Variants in SYNJ2 observed in about 807,000 individuals in gnomAD.
The protein encoded by SYNJ2 is synaptojanin 2, also known as polyphosphatidylinositol phosphatase SYNJ2.
In SYNJ2, 116 loss-of-function variants were observed where a neutral mutation model predicts 141.3. The ratio of observed to expected loss-of-function variants is 0.82; its 90% CI spans 0.71 to 0.96. SYNJ2 has a LOEUF of 0.96. Among genes scored for constraint, SYNJ2 ranks in the 40% least tolerant of loss-of-function variants. The probability of loss-of-function intolerance (pLI) is 0.00; values close to 1 mark genes in which losing one functional copy is unlikely to be tolerated. For synonymous variants in SYNJ2, 745 were observed against 777.7 expected, an observed-to-expected ratio of 0.96 and a Z score of 0.70; for missense variants, 1,873 against 1,934.8, an observed-to-expected ratio of 0.97 and a Z score of 0.60.
intron 15 of SYNJ2, 102 bp from the exon 16 acceptor site, chr6:158,074,478 T>C: frequency 7.6e-7 from 1 of 1,311,302 alleles, no homozygotes; most frequent in Non-Finnish European, 1.1e-6. Flanking sequence ...AGTAGCATTT[T>C]GAGAAAAATA....
At chr6:158,013,995 G>C (rs1421267685) in intron 1 of SYNJ2, among the ~76,000 whole-genome samples, 1 of 152,184 alleles carries the variant, frequency 6.6e-6, no homozygotes, top group African/African-American at 2.4e-5. Context: ...GACTTACGAT[G>C]GTTCCTTCCA....
chr6:158,063,262 G>T (rs1448660977), intron 8 of SYNJ2, among the ~76,000 whole-genome samples: 1 of 152,176 alleles, frequency 6.6e-6, no homozygotes, highest in African/African-American at 2.4e-5. Context: ...ACCCAGCTGT[G>T]CAGGCTACTG....
Position 158,086,898 on chromosome 6 carries a change from CG to C in SYNJ2, c.3256del (p.Glu1086SerfsTer32). 1 of 1,610,402 alleles carries C rather than the reference CG, an allele frequency of 6.2e-7. No homozygotes were observed. On this transcript the variant is annotated frameshift_variant, in exon 23 of 27. Transcript: ENST00000355585. LOFTEE classifies it high-confidence loss of function. ...AGCTCAAGCGGGAGCTGGAAGCCGT[CG>C]GGGAGTTCCGCCACCGTTCTCCGAG... ...VELKRELEAV[G>X]EFRHRSPSRS... is the part of the protein sequence containing the mutation.
At position 157,982,535 on chromosome 6, in the gene SYNJ2, C is replaced by T. The variant is rs1777054091; in HGVS notation, c.127+447C>T. Among the ~76,000 whole-genome samples the T allele has an allele frequency of 6.6e-6, 1 of 152,234 alleles. No homozygotes were observed. Among genetic ancestry groups the T allele is most frequent in the Non-Finnish European group, 1.5e-5 (1 of 68,036 alleles). On this transcript the variant is annotated intron_variant, in intron 1 of 26. Coordinates refer to ENST00000355585, the MANE Select transcript of SYNJ2 (RefSeq NM_003898.4). The surrounding 1 kb of genome is among the most constrained non-coding windows in gnomAD (Gnocchi z 4.0). ...GGGGACAAAAGCCCCAAAACATAGG[C>T]TCTGGAGAAACCGCTGATGGCAGCT...
At chr6:157,994,975 G>T (rs529560948) in intron 1 of SYNJ2, among the ~76,000 whole-genome samples, 30 of 152,280 alleles carry the variant, frequency 2.0e-4, no homozygotes, top group African/African-American at 7.0e-4. Context: ...TCTACGGCAT[G>T]GGGGCACTTC....
chr6:158,030,040 T>C (rs1035583923), intron 3 of SYNJ2, among the ~76,000 whole-genome samples: 1 of 152,188 alleles, frequency 6.6e-6, no homozygotes, highest in African/African-American at 2.4e-5. Context: ...CTTGTAGCAA[T>C]GCACTAAGAC....
chr6:158,022,967 A>G (rs1181731733), intron 2 of SYNJ2, among the ~76,000 whole-genome samples: 1 of 152,162 alleles, frequency 6.6e-6, no homozygotes, highest in African/African-American at 2.4e-5. Flanking sequence ...CCCATAGTAC[A>G]GGCCAGGCAT....
chr6:158,083,426 C>A lies in SYNJ2; in HGVS notation c.2866-3C>A. Reference sequence around the variant, plus strand: ...TTCCTGGGTGGCCGCTCTGCCCTCCCAGGTGAAAGGCAGAGCAGTGAAGAT... The same window carrying A: ...TTCCTGGGTGGCCGCTCTGCCCTCCAAGGTGAAAGGCAGAGCAGTGAAGAT... On this transcript the variant is annotated splice_region_variant and splice_polypyrimidine_tract_variant and intron_variant, in intron 20 of 26. Transcript: ENST00000355585. 1 of 1,612,768 alleles carries A rather than the reference C, an allele frequency of 6.2e-7. No homozygotes were observed. The highest frequency in any genetic ancestry group is 8.5e-7 in the Non-Finnish European group (1 of 1,178,952).
rs1005678587 is a variant in SYNJ2 at position 158,068,812 on chromosome 6, G to C, written c.1799+84G>C. The C allele has an allele frequency of 1.4e-5, 20 of 1,463,548 alleles. No homozygotes were observed. In the African/African-American group the frequency reaches 2.5e-4, roughly 18 times the overall value. 90.7% of individuals were successfully genotyped at this position (1,463,548 alleles called of 1,614,324 possible). A position where few individuals can be genotyped will look rare whatever the true frequency, so the allele number is the denominator to read the frequency against. Reference sequence around the variant, plus strand: ...GAGCAGAGCCTCTGAGGCTCTCCGGGAGCCAGCCTGCTTCTGAGCCAGCTA... The same window carrying C: ...GAGCAGAGCCTCTGAGGCTCTCCGGCAGCCAGCCTGCTTCTGAGCCAGCTA... On this transcript the variant is annotated intron_variant, in intron 13 of 26. Transcript: ENST00000355585.
At chr6:157,998,429 G>A (rs1331249548) in intron 1 of SYNJ2, among the ~76,000 whole-genome samples, 1 of 152,196 alleles carries the variant, frequency 6.6e-6, no homozygotes, top group African/African-American at 2.4e-5. Flanking sequence ...TTTTTACCAT[G>A]AGCAATGTTG....
chr6:158,095,653 T>C lies in SYNJ2; in HGVS notation c.3780T>C (p.Thr1260=). 1 of 1,611,792 alleles carries C rather than the reference T, an allele frequency of 6.2e-7. No individual in the cohort carries two copies. The highest frequency in any genetic ancestry group is 8.5e-7 in the Non-Finnish European group (1 of 1,179,058). Residue 1260 remains threonine (T), a synonymous_variant, in exon 27 of 27, where the codon ACT becomes ACC. Coordinates refer to ENST00000355585, the MANE Select transcript of SYNJ2 (RefSeq NM_003898.4). The part of the protein sequence containing the change: ...LSPEEQFEQQ[T]VHFTIGPPET... ...CGGAAGAACAGTTTGAGCAACAGACTGTCCATTTTACAATCGGGCCCCCGG... is the reference window on the plus strand; with the variant it reads ...CGGAAGAACAGTTTGAGCAACAGACCGTCCATTTTACAATCGGGCCCCCGG...
chr6:158,025,068 C>T lies in SYNJ2; in HGVS notation c.215-3688C>T, dbSNP rs112008620. Among the ~76,000 whole-genome samples, 308 of 152,298 alleles carry T rather than the reference C, an allele frequency of 2.0e-3. 2 individuals are homozygous for T. Among genetic ancestry groups the T allele is most frequent in the African/African-American group, 7.1e-3 (295 of 41,564 alleles). ...CGTAGTAGACGGGGTGGCTTATCAG[C>T]AACAGACATTTATTTCGCGCAGTTC... On this transcript the variant is annotated intron_variant, in intron 2 of 26. Transcript: ENST00000355585.
At chr6:158,018,663 T>A (rs534792358) in intron 2 of SYNJ2, among the ~76,000 whole-genome samples, 4 of 152,336 alleles carry the variant, frequency 2.6e-5, no homozygotes, top group African/African-American at 9.6e-5. Flanking sequence ...AGTGCATTTA[T>A]GAAATGTCTG....
chr6:158,080,136 C>T (rs1329514347), intron 18 of SYNJ2, among the ~76,000 whole-genome samples: 6 of 152,072 alleles, frequency 3.9e-5, no homozygotes, highest in Non-Finnish European at 5.9e-5. Flanking sequence ...CTAATGATTG[C>T]GTAGGGTATT....
intron 5 of SYNJ2, among the ~76,000 whole-genome samples, chr6:158,044,095 C>A (rs912485712): frequency 3.3e-5 from 5 of 152,216 alleles, no homozygotes; most frequent in African/African-American, 1.2e-4. Flanking sequence ...TCCTCCCTGT[C>A]CCGAGGGGAC....
chr6:158,089,172 T>C (rs999983123), intron 24 of SYNJ2, among the ~76,000 whole-genome samples: 2 of 152,034 alleles, frequency 1.3e-5, no homozygotes, highest in Non-Finnish European at 2.9e-5. Flanking sequence ...TAAAAAGAGA[T>C]GTAAATAATG....
chr6:157,991,777 T>C (rs1412012204), intron 1 of SYNJ2, among the ~76,000 whole-genome samples: 3 of 152,236 alleles, frequency 2.0e-5, no homozygotes, highest in Non-Finnish European at 4.4e-5. Flanking sequence ...AATCTGATGC[T>C]CTGCATTTTT....
intron 20 of SYNJ2, among the ~76,000 whole-genome samples, chr6:158,082,506 A>G (rs1782763283): frequency 6.6e-6 from 1 of 151,488 alleles, no homozygotes; most frequent in East Asian, 2.0e-4. Context: ...AAAAAAAAAA[A>G]AAAAAAGTAG....
At chr6:158,055,079 C>T (rs760422389) in intron 6 of SYNJ2, 51 bp downstream of exon 6, 3 of 1,594,164 alleles carry the variant, frequency 1.9e-6, no homozygotes, top group South Asian at 1.1e-5. Flanking sequence ...CCTTAGACAT[C>T]GTCCTCCCAT....
Sources: gnomAD v4.1 joint callset for allele counts (sites outside exome capture counted in the v4.1 genomes callset) on GRCh38, gnomAD v4.1.1 for gene constraint, Gnocchi (gnomAD v3.1) non-coding constraint, MANE v1.5 for transcripts, NCBI Gene and HGNC (gene_info 2026-07-23, HGNC 2026-07-21) for gene names.